Variants in KCND3 observed in about 807,000 individuals in gnomAD.
KCND3 encodes potassium voltage-gated channel subfamily D member 3.
In KCND3, 9 loss-of-function variants were observed where a neutral mutation model predicts 51.1. That is an observed-to-expected ratio of 0.18 (90% confidence interval 0.11 to 0.31). The LOEUF is 0.31. KCND3 is among the 10% of genes least tolerant of loss of function. The pLI is 1.00. For missense variants in KCND3, 526 were observed against 903.8 expected, an observed-to-expected ratio of 0.58 and a Z score of 5.36; for synonymous variants, 349 against 368.0, an observed-to-expected ratio of 0.95 and a Z score of 0.59.
At chr1:111,800,489 C>T (rs1239707446) in intron 2 of KCND3, among the ~76,000 whole-genome samples, 8 of 133,418 alleles carry the variant, frequency 6.0e-5, no homozygotes, top group African/African-American at 1.7e-4. Context: ...ACTATTGTCC[C>T]ATGACCCTGC....
intron 2 of KCND3, among the ~76,000 whole-genome samples, chr1:111,946,935 T>C (rs1190587170): frequency 6.6e-6 from 1 of 152,214 alleles, no homozygotes; most frequent in Non-Finnish European, 1.5e-5. Context: ...TAGTCCCTTT[T>C]TTTGCTCTCT....
chr1:111,961,703 G>T (rs564437194), intron 2 of KCND3, among the ~76,000 whole-genome samples: 7 of 148,204 alleles, frequency 4.7e-5, no homozygotes, highest in South Asian at 2.1e-4. Flanking sequence ...GAGGCCAGAG[G>T]GGGGGCATTT....
intron 2 of KCND3, among the ~76,000 whole-genome samples, chr1:111,979,512 TA>T (rs10713874): frequency 0.25 from 38,692 of 152,014 alleles, 5,344 homozygotes; most frequent in Non-Finnish European, 0.3. Context: ...GAGGCCATAA[TA>T]AAAAAGTAAT....
At chr1:111,827,851 G>A (rs921157925) in intron 2 of KCND3, among the ~76,000 whole-genome samples, 1 of 152,184 alleles carries the variant, frequency 6.6e-6, no homozygotes, top group African/African-American at 2.4e-5. Context: ...AGCAGAGGAA[G>A]AAGAAATGGG....
At chr1:111,901,834 G>A (rs1018019379) in intron 2 of KCND3, among the ~76,000 whole-genome samples, 18 of 151,984 alleles carry the variant, frequency 1.2e-4, no homozygotes, top group African/African-American at 3.1e-4. Flanking sequence ...CTCTCACCAC[G>A]GTCCCCACCC....
At chr1:111,961,019 G>GT (rs1673623790) in intron 2 of KCND3, among the ~76,000 whole-genome samples, 1 of 152,214 alleles carries the variant, frequency 6.6e-6, no homozygotes, top group African/African-American at 2.4e-5. Context: ...GATAGGGGTA[G>GT]CCTCGACTCT....
chr1:111,876,933 C>T (rs1374573854), intron 2 of KCND3, among the ~76,000 whole-genome samples: 1 of 152,210 alleles, frequency 6.6e-6, no homozygotes, highest in Non-Finnish European at 1.5e-5. Flanking sequence ...GCATCGTTCT[C>T]TCTCCGGGTA....
chr1:111,885,922 C>T (rs1224427155), intron 2 of KCND3, among the ~76,000 whole-genome samples: 1 of 152,140 alleles, frequency 6.6e-6, no homozygotes, highest in African/African-American at 2.4e-5. Context: ...CCACCTGCCT[C>T]GGCCTCCTAA....
At chr1:111,833,905 G>C (rs1055799564) in intron 2 of KCND3, among the ~76,000 whole-genome samples, 17 of 152,324 alleles carry the variant, frequency 1.1e-4, no homozygotes, top group African/African-American at 4.1e-4. Flanking sequence ...TGGGCCTGAA[G>C]GGGACTTATT....
intron 2 of KCND3, among the ~76,000 whole-genome samples, chr1:111,797,963 T>A (rs1665129552): frequency 6.6e-6 from 1 of 152,236 alleles, no homozygotes. Context: ...AGCAGGCTAC[T>A]GCATCAGTCC....
intron 2 of KCND3, among the ~76,000 whole-genome samples, chr1:111,972,140 A>G (rs1013342957): frequency 8.8e-5 from 13 of 146,954 alleles, no homozygotes; most frequent in African/African-American, 3.0e-4. Flanking sequence ...GTTACTGCTT[A>G]TCTCTAGCTA....
intron 1 of KCND3, among the ~76,000 whole-genome samples, chr1:111,987,104 T>C (rs567190163): frequency 1.3e-5 from 2 of 152,114 alleles, no homozygotes; most frequent in East Asian, 3.9e-4. Context: ...GACACACAGT[T>C]CTGCCCCCTG....
At chr1:111,977,668 C>T (rs1291469066) in intron 2 of KCND3, among the ~76,000 whole-genome samples, 2 of 152,282 alleles carry the variant, frequency 1.3e-5, no homozygotes, top group East Asian at 1.9e-4. Flanking sequence ...ATGGTCCTTG[C>T]GGATGCTCGC....
chr1:111,956,534 C>T (rs914014877), intron 2 of KCND3, among the ~76,000 whole-genome samples: 2 of 152,140 alleles, frequency 1.3e-5, no homozygotes, highest in Non-Finnish European at 2.9e-5. Flanking sequence ...CAGCACCCTC[C>T]GGGAGCCTCT....
intron 2 of KCND3, among the ~76,000 whole-genome samples, chr1:111,820,741 T>A (rs1189317468): frequency 6.6e-6 from 1 of 152,102 alleles, no homozygotes; most frequent in Non-Finnish European, 1.5e-5. Flanking sequence ...TGTAATCAAG[T>A]TAAGAGGAGG....
chr1:111,778,875 C>T (rs770435940), intron 5 of KCND3, among the ~76,000 whole-genome samples: 32 of 152,164 alleles, frequency 2.1e-4, no homozygotes, highest in Non-Finnish European at 4.1e-4. Context: ...CATTCCATCC[C>T]TCAATTCTAA....
chr1:111,946,567 G>A (rs770302686), intron 2 of KCND3, among the ~76,000 whole-genome samples: 1 of 152,174 alleles, frequency 6.6e-6, no homozygotes, highest in Non-Finnish European at 1.5e-5. Flanking sequence ...TCACTCCCAA[G>A]TCTCCAGACC....
At chr1:111,808,547 G>T (rs958343885) in intron 2 of KCND3, among the ~76,000 whole-genome samples, 1 of 152,220 alleles carries the variant, frequency 6.6e-6, no homozygotes, top group African/African-American at 2.4e-5. Flanking sequence ...TCTGCTTCTT[G>T]ACCCTTTTCC....
At position 111,772,989 on chromosome 1, in the gene KCND3, C is replaced by T. The variant is rs1663979530; in HGVS notation, c.*3088G>A. 2 of 152,138 alleles carry T rather than the reference C, an allele frequency of 1.3e-5. No individual in the cohort carries two copies. The highest frequency in any genetic ancestry group is 1.3e-4 in the Admixed American group (2 of 15,280). 9.4% of individuals were successfully genotyped at this position (152,138 alleles called of 1,614,324 possible). ...TGGACCTTGTGTTTTCTTACAGTAC[C>T]CTTTAGCAGTGTCATCTGGCTGTGT... On this transcript the variant is annotated 3_prime_UTR_variant, in exon 8 of 8. Coordinates refer to ENST00000302127, the MANE Select transcript of KCND3 (RefSeq NM_001378969.1).
Sources: allele counts gnomAD v4.1 joint callset (sites outside exome capture counted in the v4.1 genomes callset), GRCh38; gene constraint gnomAD v4.1.1; transcripts MANE v1.5; gene names NCBI Gene and HGNC (gene_info 2026-07-23, HGNC 2026-07-21).